SPINK5: variants seen among roughly 807,000 people sequenced by gnomAD.
SPINK5 encodes the protein serine peptidase inhibitor Kazal type 5.
Under a neutral mutation model 151.8 loss-of-function variants are expected in SPINK5, and 125 were observed. The ratio of observed to expected loss-of-function variants is 0.82; its 90% confidence interval spans 0.71 to 0.96. SPINK5 has a LOEUF of 0.96. Among genes scored for constraint, SPINK5 ranks in the 40% least tolerant of loss-of-function variants. The pLI is 0.00. For missense variants in SPINK5, 1,194 were observed against 1,291.9 expected (o/e 0.92, Z 1.16); for synonymous variants, 374 against 395.3 (o/e 0.95, Z 0.64).
At chr5:148,089,306 C>A (rs1236455395) in intron 6 of SPINK5, 188 bp from the exon 7 acceptor site, 2 of 741,642 alleles carry the variant, frequency 2.7e-6, no homozygotes, top group Non-Finnish European at 4.7e-6. Context: ...AATGAATAAA[C>A]AAGTAAAAAA....
At position 148,098,082 on chromosome 5, in the gene SPINK5, G is replaced by A. The variant is rs76850452; in HGVS notation, c.1010+88G>A. The A allele has an allele frequency of 1.7e-3, 2,153 of 1,297,462 alleles. 33 individuals carry two copies. The African/African-American group carries it at 0.027, about 16-fold the overall frequency. 80.4% of individuals were successfully genotyped at this position (1,297,462 alleles called of 1,614,324 possible). ...AGCTTCTTTCATAGATGGGGAGACT[G>A]TGGCTCAAGACAGGGAAGTGAGTTG... is the stretch of plus-strand genomic sequence containing the variant. On this transcript the variant is annotated intron_variant, in intron 11 of 32. Transcript: ENST00000256084.
chr5:148,068,303 T>A (rs1380845800), intron 2 of SPINK5, among the ~76,000 whole-genome samples: 1 of 151,934 alleles, frequency 6.6e-6, no homozygotes, highest in Non-Finnish European at 1.5e-5. Flanking sequence ...GTTTAGTTAT[T>A]CTCCTTCACC....
rs754893266 is a variant in SPINK5, at chr5:148,101,823, CT to C, written c.1351del (p.Cys451AlafsTer53). ...CCGCAAATCCAGGAAAAACGGACGG[CT>C]TTTTTGCACCAGAGAGAATGACCCC... ...EYRKSRKNGR[L>X]FCTRENDPIQ... On this transcript the variant is annotated frameshift_variant, in exon 15 of 33. Coordinates refer to ENST00000256084, the MANE Select transcript of SPINK5 (RefSeq NM_006846.4). LOFTEE classifies it high-confidence loss of function. 6.2e-7 allele frequency: 1 copy of C among 1,613,808 alleles called. No homozygotes were observed. The highest frequency in any genetic ancestry group is 1.1e-5 in the South Asian group (1 of 91,082).
intron 7 of SPINK5, 92 bp from the exon 8 acceptor site, chr5:148,091,073 A>G: frequency 9.5e-7 from 1 of 1,052,514 alleles, no homozygotes; most frequent in Non-Finnish European, 1.4e-6. Flanking sequence ...AGCAATTCGT[A>G]GCAGAGGATA....
At chr5:148,130,736 C>T (rs1418375179) in intron 30 of SPINK5, among the ~76,000 whole-genome samples, 2 of 152,030 alleles carry the variant, frequency 1.3e-5, no homozygotes, top group African/African-American at 4.8e-5. Context: ...TCCCTTCAAG[C>T]AGTAATATAA....
At position 148,066,505 on chromosome 5, in the gene SPINK5, G is replaced by A. The variant is rs73794636; in HGVS notation, c.81+1133G>A. Among the ~76,000 whole-genome samples, 804 of 151,810 alleles carry A rather than the reference G, an allele frequency of 5.3e-3. 7 individuals carry two copies. Among genetic ancestry groups the A allele is most frequent in the African/African-American group, 0.017 (696 of 41,182 alleles). Reference sequence around the variant, plus strand: ...ACCATGGTTAAAATACTCTCTTGCCGTATTTTGTTGCAATGATTTTTTTTA... The same window carrying A: ...ACCATGGTTAAAATACTCTCTTGCCATATTTTGTTGCAATGATTTTTTTTA... On this transcript the variant is annotated intron_variant, in intron 2 of 32. Coordinates refer to ENST00000256084, the MANE Select transcript of SPINK5 (RefSeq NM_006846.4).
intron 4 of SPINK5, among the ~76,000 whole-genome samples, chr5:148,079,627 A>G (rs1017279027): frequency 2.0e-5 from 3 of 151,232 alleles, no homozygotes; most frequent in African/African-American, 7.3e-5. Flanking sequence ...CTAATACACA[A>G]TATTAACAGA....
chr5:148,133,921 C>A, intron 32 of SPINK5, 34 bp downstream of exon 32: 1 of 1,604,312 alleles, frequency 6.2e-7, no homozygotes, highest in African/African-American at 1.3e-5. Flanking sequence ...TCCATGGTTA[C>A]GTTGTGAGGA....
intron 1 of SPINK5, among the ~76,000 whole-genome samples, chr5:148,065,033 C>G (rs1752541204): frequency 6.6e-6 from 1 of 152,048 alleles, no homozygotes; most frequent in Non-Finnish European, 1.5e-5. Flanking sequence ...AAAAGGGAGG[C>G]TGGCATTTAT....
chr5:148,106,670 TTTCTC>T (rs1225242702), intron 16 of SPINK5, among the ~76,000 whole-genome samples: 2 of 152,074 alleles, frequency 1.3e-5, no homozygotes, highest in Non-Finnish European at 2.9e-5. Context: ...AAGCATGTTT[TTTCTC>T]TTCTTTCTCA....
chr5:148,103,620 A>C (rs1226885492), intron 15 of SPINK5, among the ~76,000 whole-genome samples: 1 of 152,148 alleles, frequency 6.6e-6, no homozygotes, highest in Non-Finnish European at 1.5e-5. Flanking sequence ...CCATAATTTT[A>C]GATCTATTTT....
At chr5:148,104,756 T>C (rs1753735112) in intron 15 of SPINK5, among the ~76,000 whole-genome samples, 196 bp from the exon 16 acceptor site, 1 of 151,602 alleles carries the variant, frequency 6.6e-6, no homozygotes, top group Non-Finnish European at 1.5e-5. Flanking sequence ...CTTAGCCGAG[T>C]GTGGTGGCAT....
At chr5:148,077,684 T>C (rs1324497587) in intron 4 of SPINK5, among the ~76,000 whole-genome samples, 3 of 145,062 alleles carry the variant, frequency 2.1e-5, no homozygotes, top group African/African-American at 7.8e-5. Flanking sequence ...TAAAGGGTGA[T>C]AGAGAAAATA....
At chr5:148,065,217 C>A in intron 1 of SPINK5, 130 bp from the exon 2 acceptor site, 1 of 949,398 alleles carries the variant, frequency 1.1e-6, no homozygotes. Flanking sequence ...TTAATGTGTT[C>A]AAAAACCATT....
Position 148,091,159 on chromosome 5 carries a change from T to A in SPINK5, c.603-6T>A. On this transcript the variant is annotated splice_polypyrimidine_tract_variant and splice_region_variant and intron_variant, in intron 7 of 32. Coordinates refer to ENST00000256084, the MANE Select transcript of SPINK5 (RefSeq NM_006846.4). ...AAACTGACCAACTGTTTACTTTTCT[T>A]AACAGTTTAAAAGAAGCTGAAAATG... 1.2e-6 allele frequency: 2 copies of A among 1,609,954 alleles called. No homozygotes were observed. Among genetic ancestry groups the A allele is most frequent in the Non-Finnish European group, 1.7e-6 (2 of 1,177,582 alleles).
chr5:148,131,006 A>G (rs1392950046), intron 30 of SPINK5, among the ~76,000 whole-genome samples: 2 of 152,138 alleles, frequency 1.3e-5, no homozygotes, highest in Non-Finnish European at 2.9e-5. Flanking sequence ...TATAAAGGAT[A>G]TTTGCTTTCT....
chr5:148,125,360 C>A (rs1388834253), intron 28 of SPINK5, among the ~76,000 whole-genome samples: 2 of 152,122 alleles, frequency 1.3e-5, no homozygotes, highest in Non-Finnish European at 1.5e-5. Flanking sequence ...TTATTCAATT[C>A]TTTAACAGTA....
At chr5:148,086,633 T>C (rs1328012592) in intron 5 of SPINK5, 101 bp downstream of exon 5, 11 of 1,475,820 alleles carry the variant, frequency 7.5e-6, no homozygotes, top group African/African-American at 2.8e-5. Flanking sequence ...ATTCATTATG[T>C]GGGAGTTAGC....
intron 2 of SPINK5, among the ~76,000 whole-genome samples, chr5:148,068,030 A>C (rs1053563591): frequency 1.3e-5 from 2 of 152,182 alleles, no homozygotes; most frequent in Non-Finnish European, 2.9e-5. Flanking sequence ...TATTTTCATT[A>C]CAAAGACCCC....
Sources: allele counts gnomAD v4.1 joint callset (sites outside exome capture counted in the v4.1 genomes callset), GRCh38; gene constraint gnomAD v4.1.1; transcripts MANE v1.5; gene names NCBI Gene and HGNC (gene_info 2026-07-23, HGNC 2026-07-21).